The following ZNF582 variants were observed in gnomAD, a reference collection of about 807,000 sequenced individuals.
ZNF582 encodes zinc finger protein 582.
ZNF582 carries 14 observed loss-of-function variants against 12.3 expected under a neutral mutation model. That is an observed-to-expected ratio of 1.14 (90% CI 0.75 to 1.78). The LOEUF (loss-of-function observed/expected upper bound fraction) is 1.78, where lower values mean the gene tolerates loss of function less well. Among genes scored for constraint, ZNF582 ranks in the 40% most tolerant of loss-of-function variants. ZNF582 has a pLI of 0.00. For synonymous variants in ZNF582, 210 were observed against 207.2 expected (o/e 1.01, Z -0.11); for missense variants, 567 against 616.5 (o/e 0.92, Z 0.85).
Position 56,393,212 on chromosome 19 carries a change from G to C in ZNF582, c.-81+8C>G. On this transcript the variant is annotated splice_region_variant and intron_variant, in intron 1 of 4. Coordinates refer to ENST00000586929, the Ensembl canonical transcript of ZNF582. ...ATTTCAGGGGGTCGGAGACCCCTGC[G>C]CACCCACCTAAGGGGTCCATGCACC... is the stretch of plus-strand genomic sequence containing the variant. 1 of 1,263,204 alleles carries C rather than the reference G, an allele frequency of 7.9e-7. No individual in the cohort carries two copies. The allele number at this position is 1,263,204 out of a possible 1,614,324, so 78.2% of individuals were successfully genotyped here. A position where few individuals can be genotyped will look rare whatever the true frequency, so the allele number is the denominator to read the frequency against.
At chr19:56,387,145 A>G (rs1166555742) in intron 4 of ZNF582, among the ~76,000 whole-genome samples, 1 of 152,218 alleles carries the variant, frequency 6.6e-6, no homozygotes, top group Admixed American at 6.5e-5. Context: ...TTTGTGCAGT[A>G]GCTTTATCTT....
intron 2 of ZNF582, among the ~76,000 whole-genome samples, chr19:56,391,345 T>C (rs2042012279): frequency 6.6e-6 from 1 of 152,210 alleles, no homozygotes. Flanking sequence ...CAAACCTCAA[T>C]TACATATCCA....
chr19:56,393,151 A>G, intron 1 of ZNF582, 69 bp downstream of exon 1: 1 of 1,225,190 alleles, frequency 8.2e-7, no homozygotes, highest in South Asian at 1.3e-5. Context: ...AAAAAAAAAA[A>G]AAGGCACGCA....
intron 4 of ZNF582, chr19:56,388,325 C>T (rs1271664855): frequency 1.3e-5 from 2 of 152,170 alleles, no homozygotes; most frequent in South Asian, 2.1e-4. Flanking sequence ...ACTATTAATC[C>T]ATATGATATA....
exon 5 of ZNF582, chr19:56,385,058 T>C (rs1423623794): frequency 6.2e-7 from 1 of 1,614,162 alleles, no homozygotes; most frequent in South Asian, 1.1e-5. Context: ...TTCCCAATCA[T>C]CTTGGAAACT....
At chr19:56,388,740 CT>C (rs1426823445) in intron 4 of ZNF582, among the ~76,000 whole-genome samples, 1 of 152,170 alleles carries the variant, frequency 6.6e-6, no homozygotes, top group African/African-American at 2.4e-5. Context: ...TCAAGCGATT[CT>C]CCTGCTTCAG....
At chr19:56,391,752 T>A (rs766698699) in exon 2 of ZNF582, 7 of 1,613,920 alleles carry the variant, frequency 4.3e-6, no homozygotes, top group East Asian at 2.2e-5. Flanking sequence ...ACAAGGGACA[T>A]GACTTTTAGA....
At chr19:56,393,174 CA>C in intron 1 of ZNF582, 45 bp downstream of exon 1, 1 of 1,259,860 alleles carries the variant, frequency 7.9e-7, no homozygotes, top group South Asian at 1.3e-5. Context: ...ACAGTGAATG[CA>C]AAACATCCGC....
chr19:56,390,072 A>T (rs1291876676), exon 4 of ZNF582: 4 of 1,613,690 alleles, frequency 2.5e-6, no homozygotes, highest in Non-Finnish European at 3.4e-6. Flanking sequence ...GAAGGAGATC[A>T]CATCAGGTTT....
chr19:56,387,045 G>A lies in ZNF582; in HGVS notation c.233-1861C>T, dbSNP rs149577470. 1.3e-3 allele frequency among the ~76,000 whole-genome samples: 197 copies of A among 152,232 alleles called. 3 individuals carry two copies. The East Asian group carries it at 0.03, about 23-fold the overall frequency. On this transcript the variant is annotated intron_variant, in intron 4 of 4. Transcript: ENST00000586929. ...TCATGATAATTCTGTTGAGACTTCT[G>A]GCTAAGGATGTTGCTATACTGGTAT...
chr19:56,384,890 C>A, exon 5 of ZNF582: 1 of 1,613,308 alleles, frequency 6.2e-7, no homozygotes, highest in Non-Finnish European at 8.5e-7. Flanking sequence ...GTCTTTTCTA[C>A]ATTTATTATA....
At chr19:56,391,895 T>C in intron 1 of ZNF582, 63 bp from the exon 2 acceptor site, 1 of 1,444,844 alleles carries the variant, frequency 6.9e-7, no homozygotes, top group South Asian at 1.2e-5. Context: ...GAATGCCAAG[T>C]TACAAGTCCC....
At chr19:56,393,333 C>T in exon 1 of ZNF582, 4 of 1,115,348 alleles carry the variant, frequency 3.6e-6, no homozygotes, top group Non-Finnish European at 4.7e-6. Flanking sequence ...AGCCACAGAG[C>T]GACGATGAGG....
chr19:56,384,395 C>T (rs1239116864), exon 5 of ZNF582: 1 of 1,604,980 alleles, frequency 6.2e-7, no homozygotes, highest in Non-Finnish European at 8.5e-7. Context: ...ACATTCCTTA[C>T]ATTCATAGAG....
At chr19:56,383,862 C>T in exon 5 of ZNF582, 1 of 1,557,564 alleles carries the variant, frequency 6.4e-7, no homozygotes, top group Non-Finnish European at 8.6e-7. Context: ...TCACAATTAG[C>T]CTAGGCTAAT....
At chr19:56,384,919 A>G in exon 5 of ZNF582, 2 of 1,614,078 alleles carry the variant, frequency 1.2e-6, no homozygotes, top group South Asian at 1.1e-5. Context: ...GTTTTTCTCT[A>G]GTATGAATTT....
At chr19:56,389,898 T>C (rs899380740) in intron 4 of ZNF582, 103 bp downstream of exon 4, 8 of 868,440 alleles carry the variant, frequency 9.2e-6, no homozygotes, top group African/African-American at 6.7e-5. Flanking sequence ...ACATAAGCTT[T>C]GAAGGTAGCA....
intron 4 of ZNF582, among the ~76,000 whole-genome samples, chr19:56,389,702 T>A (rs1390645876): frequency 6.6e-6 from 1 of 151,874 alleles, no homozygotes; most frequent in Admixed American, 6.6e-5. Context: ...TTAAAATTAA[T>A]AAAAAAAGAA....
Position 56,390,506 on chromosome 19 carries a change from A to G in ZNF582, c.10-5T>C. 6.2e-7 allele frequency: 1 copy of G among 1,614,122 alleles called. No individual in the cohort carries two copies. The highest frequency in any genetic ancestry group is 1.3e-5 in the African/African-American group (1 of 75,024). On this transcript the variant is annotated splice_polypyrimidine_tract_variant and splice_region_variant and intron_variant, in intron 2 of 4. Transcript: ENST00000586929. ...ATCCCTGAACAATTCTGACCCCTGGAATGACAGGCATGTATGATATATATG... is the reference window on the plus strand; with the variant it reads ...ATCCCTGAACAATTCTGACCCCTGGGATGACAGGCATGTATGATATATATG...
Sources: allele counts gnomAD v4.1 joint callset (sites outside exome capture counted in the v4.1 genomes callset), GRCh38; gene constraint gnomAD v4.1.1; transcripts MANE v1.5; gene names NCBI Gene and HGNC (gene_info 2026-07-23, HGNC 2026-07-21).